Variants in THSD7B observed in about 807,000 individuals in gnomAD.
THSD7B encodes thrombospondin type 1 domain containing 7B.
In THSD7B, 138 loss-of-function variants were observed where a neutral mutation model predicts 213.6. The ratio of observed to expected loss-of-function variants is 0.65; its 90% confidence interval spans 0.56 to 0.74. THSD7B has a LOEUF of 0.74. Among genes scored for constraint, THSD7B ranks in the 30% least tolerant of loss-of-function variants. The pLI is 0.00. For synonymous variants in THSD7B, 742 were observed against 687.0 expected (o/e 1.08, Z -1.25); for missense variants, 1,931 against 1,991.5 (o/e 0.97, Z 0.58).
At chr2:136,898,949 G>A (rs148481237) in intron 2 of THSD7B, among the ~76,000 whole-genome samples, 53 of 152,118 alleles carry the variant, frequency 3.5e-4, no homozygotes, top group Non-Finnish European at 6.3e-4. Flanking sequence ...CTGGGAACTG[G>A]GACTTTTAAT....
intron 5 of THSD7B, among the ~76,000 whole-genome samples, chr2:137,138,858 C>T (rs1432204): frequency 0.59 from 78,872 of 133,894 alleles, 21,640 homozygotes; most frequent in Non-Finnish European, 0.67. Flanking sequence ...ATTGTATGTA[C>T]GTTCTTCTTG....
At chr2:137,172,894 A>T (rs907989611) in intron 7 of THSD7B, among the ~76,000 whole-genome samples, 2 of 152,152 alleles carry the variant, frequency 1.3e-5, no homozygotes, top group Non-Finnish European at 2.9e-5. Context: ...GTGGTTACAG[A>T]AGTGTTCTGT....
intron 15 of THSD7B, among the ~76,000 whole-genome samples, chr2:137,537,592 T>C (rs1047233218): frequency 6.6e-6 from 1 of 151,664 alleles, no homozygotes; most frequent in Non-Finnish European, 1.5e-5. Flanking sequence ...GCCAGGTATA[T>C]GGATATTTAA....
chr2:137,256,278 G>A (rs1305753878), intron 10 of THSD7B, among the ~76,000 whole-genome samples: 1 of 152,142 alleles, frequency 6.6e-6, no homozygotes. Flanking sequence ...ATAAAATGAG[G>A]TTACTTTTAT....
intron 5 of THSD7B, among the ~76,000 whole-genome samples, chr2:137,138,120 C>A (rs1193190087): frequency 1.3e-5 from 2 of 152,118 alleles, no homozygotes; most frequent in Non-Finnish European, 2.9e-5. Context: ...TCTCAAACTT[C>A]TGGCCTCAAG....
intron 12 of THSD7B, among the ~76,000 whole-genome samples, chr2:137,314,719 T>G (rs538007267): frequency 4.6e-5 from 7 of 152,310 alleles, no homozygotes; most frequent in African/African-American, 1.7e-4. Flanking sequence ...TAGTTTTCCT[T>G]TTAACAGACA....
At chr2:137,600,214 T>G (rs773450711) in intron 17 of THSD7B, among the ~76,000 whole-genome samples, 4 of 152,172 alleles carry the variant, frequency 2.6e-5, no homozygotes, top group Non-Finnish European at 5.9e-5. Flanking sequence ...TCATTAAAAC[T>G]TATGGCATAT....
At position 136,994,295 on chromosome 2, in the gene THSD7B, G is replaced by C. The variant is rs138074197; in HGVS notation, c.140-62125G>C. Among the ~76,000 whole-genome samples the C allele has an allele frequency of 8.9e-4, 136 of 152,282 alleles. 2 individuals are homozygous for C. The East Asian group carries it at 0.025, about 28-fold the overall frequency. ...TAAGAAAGCCTATAGGGCCGGGCGC[G>C]GTGGCTCACGCCTGTAATCCCAGCA... On this transcript the variant is annotated intron_variant, in intron 2 of 27. Coordinates refer to ENST00000409968, the MANE Select transcript of THSD7B (RefSeq NM_001316349.2).
chr2:137,360,565 C>T (rs1685230033), intron 12 of THSD7B, among the ~76,000 whole-genome samples: 1 of 152,160 alleles, frequency 6.6e-6, no homozygotes, highest in Non-Finnish European at 1.5e-5. Context: ...AGATTATATC[C>T]CTTGCCTGGC....
intron 5 of THSD7B, among the ~76,000 whole-genome samples, chr2:137,135,811 T>G (rs969059680): frequency 2.4e-4 from 37 of 151,876 alleles, no homozygotes; most frequent in African/African-American, 8.9e-4. Flanking sequence ...TGCCTAAAGA[T>G]TCAAGAAAAG....
rs143519790 is a variant in THSD7B, at chr2:136,777,973, G to A, written c.-36+12286G>A. The stretch of plus-strand genomic sequence containing the variant: ...GAAAGTGGCAGAGTGTTAAAGGAAT[G>A]CATAAAGATGAACATGCAGTCAGAC... On this transcript the variant is annotated intron_variant, in intron 1 of 27. Coordinates refer to ENST00000409968, the MANE Select transcript of THSD7B (RefSeq NM_001316349.2). 1.3e-3 allele frequency among the ~76,000 whole-genome samples: 205 copies of A among 152,246 alleles called. 1 individual carries two copies. Among genetic ancestry groups the A allele is most frequent in the Admixed American group, 3.2e-3 (49 of 15,290 alleles).
intron 15 of THSD7B, among the ~76,000 whole-genome samples, chr2:137,453,326 C>CTGTTTT (rs560125337): frequency 2.1e-5 from 2 of 96,844 alleles, no homozygotes; most frequent in African/African-American, 8.6e-5. Context: ...TTGAAATTTA[C>CTGTTTT]TTTTTTTTTT....
chr2:137,359,416 C>T (rs1009052203), intron 12 of THSD7B, among the ~76,000 whole-genome samples: 7 of 152,108 alleles, frequency 4.6e-5, no homozygotes, highest in Non-Finnish European at 7.4e-5. Context: ...AGAGTCAAAA[C>T]GTCAAGACAT....
chr2:137,621,052 C>T (rs1320556800), intron 20 of THSD7B, among the ~76,000 whole-genome samples: 1 of 152,162 alleles, frequency 6.6e-6, no homozygotes, highest in Non-Finnish European at 1.5e-5. Context: ...GTAAAGCTGT[C>T]TACTATACCA....
chr2:137,393,324 C>T (rs1287482250), intron 12 of THSD7B, among the ~76,000 whole-genome samples: 1 of 151,262 alleles, frequency 6.6e-6, no homozygotes, highest in African/African-American at 2.4e-5. Context: ...CACCACCCCA[C>T]CACAGCCCCC....
intron 1 of THSD7B, among the ~76,000 whole-genome samples, chr2:136,849,967 C>T (rs1187607529): frequency 1.3e-5 from 2 of 151,994 alleles, no homozygotes; most frequent in African/African-American, 4.8e-5. Flanking sequence ...AAACTGTTCC[C>T]TTCCACCTCT....
intron 15 of THSD7B, among the ~76,000 whole-genome samples, chr2:137,555,453 C>G (rs1398873694): frequency 6.6e-6 from 1 of 152,208 alleles, no homozygotes; most frequent in African/African-American, 2.4e-5. Flanking sequence ...GGACCTCCAG[C>G]AAACTCCAAC....
At chr2:136,953,472 T>C (rs1445421566) in intron 2 of THSD7B, among the ~76,000 whole-genome samples, 1 of 152,230 alleles carries the variant, frequency 6.6e-6, no homozygotes, top group Non-Finnish European at 1.5e-5. Context: ...GAAAGAATTA[T>C]ATATCCTTAT....
At chr2:137,437,660 A>G (rs1687322228) in intron 14 of THSD7B, among the ~76,000 whole-genome samples, 1 of 152,140 alleles carries the variant, frequency 6.6e-6, no homozygotes, top group Admixed American at 6.6e-5. Flanking sequence ...ACACAGGAAG[A>G]GGAACCTGAT....
Sources: allele counts gnomAD v4.1 joint callset (sites outside exome capture counted in the v4.1 genomes callset), GRCh38; gene constraint gnomAD v4.1.1; transcripts MANE v1.5; gene names NCBI Gene and HGNC (gene_info 2026-07-23, HGNC 2026-07-21).